Variants in CASR observed in about 807,000 individuals in gnomAD.
CASR encodes the protein calcium sensing receptor.
Under a neutral mutation model 69.1 loss-of-function variants are expected in CASR, and 23 were observed. That is an observed-to-expected ratio of 0.33 (90% CI 0.24 to 0.47). CASR has a LOEUF of 0.47. CASR is among the 20% of genes least tolerant of loss of function. The pLI is 1.00. For synonymous variants in CASR, 541 were observed against 544.7 expected (o/e 0.99, Z 0.10); for missense variants, 924 against 1,356.1 (o/e 0.68, Z 5.00).
chr3:122,256,539 T>G (rs1252368411), intron 2 of CASR, among the ~76,000 whole-genome samples: 1 of 152,240 alleles, frequency 6.6e-6, no homozygotes, highest in East Asian at 1.9e-4. Flanking sequence ...GGCACCATGC[T>G]GAAGATTTTG....
rs2107631878 is a variant in CASR, at chr3:122,261,609, C to A, written c.574C>A (p.His192Asn). Reference protein sequence around the residue: ...SFLRTIPNDEHQATAMADIIE... With the variant: ...SFLRTIPNDENQATAMADIIE... The stretch of plus-strand genomic sequence containing the variant: ...CCTCCGAACCATCCCCAATGATGAG[C>A]ACCAGGCCACTGCCATGGCAGACAT... The change falls in exon 4 of 7, where the codon CAC (histidine) becomes AAC (asparagine). Residue 192 changes from histidine (H) to asparagine (N), a missense_variant. His to Asn is a moderately conservative substitution (Grantham distance 68). Transcript: ENST00000639785. 1.9e-6 allele frequency: 3 copies of A among 1,614,124 alleles called. No homozygotes were observed. The highest frequency in any genetic ancestry group is 4.5e-5 in the East Asian group (2 of 44,882).
intron 1 of CASR, among the ~76,000 whole-genome samples, chr3:122,230,478 G>C (rs750151129): frequency 1.3e-5 from 2 of 152,190 alleles, no homozygotes; most frequent in Admixed American, 6.5e-5. Context: ...GCTGCTGACC[G>C]TGGAGAAAGC....
intron 1 of CASR, among the ~76,000 whole-genome samples, chr3:122,244,498 G>T (rs1442920348): frequency 6.6e-6 from 1 of 152,140 alleles, no homozygotes; most frequent in Non-Finnish European, 1.5e-5. Flanking sequence ...TTGCAAGTAT[G>T]TTGGACAAAA....
intron 1 of CASR, among the ~76,000 whole-genome samples, chr3:122,225,866 A>G (rs548884637): frequency 1.3e-5 from 2 of 152,372 alleles, no homozygotes; most frequent in Non-Finnish European, 2.9e-5. Flanking sequence ...AATGTGGTAC[A>G]TATATGCTAC....
intron 1 of CASR, among the ~76,000 whole-genome samples, chr3:122,202,593 T>C (rs2073968324): frequency 6.6e-6 from 1 of 152,230 alleles, no homozygotes; most frequent in Admixed American, 6.5e-5. Flanking sequence ...TGCATTTACA[T>C]TGCTGTAACT....
At chr3:122,224,325 G>C (rs2074201896) in intron 1 of CASR, among the ~76,000 whole-genome samples, 1 of 152,274 alleles carries the variant, frequency 6.6e-6, no homozygotes, top group African/African-American at 2.4e-5. Flanking sequence ...CAGAGAACTG[G>C]TAAACAACTT....
intron 1 of CASR, among the ~76,000 whole-genome samples, chr3:122,235,084 C>T (rs1312921255): frequency 6.6e-6 from 1 of 152,214 alleles, no homozygotes; most frequent in Non-Finnish European, 1.5e-5. Context: ...ACACTTCTAA[C>T]AGTCACAGGT....
At chr3:122,241,822 T>C (rs1219766378) in intron 1 of CASR, among the ~76,000 whole-genome samples, 1 of 152,140 alleles carries the variant, frequency 6.6e-6, no homozygotes, top group Non-Finnish European at 1.5e-5. Context: ...ATTAAAAATA[T>C]CATTCATCAT....
In CASR at chr3:122,257,079, A is replaced by G. The variant is rs1350886416; in HGVS notation, c.186-2A>G. The G allele has an allele frequency of 6.2e-7, 1 of 1,613,630 alleles. No individual in the cohort carries two copies. ...TTTTCTTCCACTTCTTCTTTCTTCC[A>G]GGTATAATTTCCGTGGGTTTCGCTG... On this transcript the variant is annotated splice_acceptor_variant, in intron 2 of 6. Transcript: ENST00000639785. LOFTEE classifies it high-confidence loss of function.
At position 122,254,221 on chromosome 3, in the gene CASR, T is replaced by C. The variant is rs200673016; in HGVS notation, c.32T>C (p.Leu11Ser). ...TTTTATAGCTGCTGCTGGGTCCTCT[T>C]GGCACTCACCTGGCACACCTCTGCC... MAFYSCCWVLLALTWHTSAYG... is the reference protein window; with the variant it reads MAFYSCCWVLSALTWHTSAYG... Residue 11 changes from leucine to serine, a missense_variant, in exon 2 of 7, where the codon TTG (leucine) becomes TCG (serine). By Grantham distance (145) the Leu-to-Ser change is moderately radical. Coordinates refer to ENST00000639785, the MANE Select transcript of CASR (RefSeq NM_000388.4). 8 of 1,613,596 alleles carry C rather than the reference T, an allele frequency of 5.0e-6. No individual in the cohort carries two copies. In the Admixed American group the frequency reaches 1.2e-4, roughly 24 times the overall value.
chr3:122,206,412 C>G (rs2074007407), intron 1 of CASR, among the ~76,000 whole-genome samples: 1 of 151,706 alleles, frequency 6.6e-6, no homozygotes, highest in Admixed American at 6.6e-5. Flanking sequence ...TCCTTGCATC[C>G]CTGGGATGAA....
At chr3:122,238,014 T>C (rs1490668754) in intron 1 of CASR, among the ~76,000 whole-genome samples, 4 of 152,164 alleles carry the variant, frequency 2.6e-5, no homozygotes, top group African/African-American at 9.7e-5. Context: ...AACAGAAGCC[T>C]CCACTGATGG....
chr3:122,247,394 G>GT (rs1442846582), intron 1 of CASR: 1 of 152,308 alleles, frequency 6.6e-6, no homozygotes, highest in East Asian at 1.9e-4. Context: ...ACGCCAGGAT[G>GT]TTATTCCACA....
chr3:122,206,744 A>G (rs1576822171), intron 1 of CASR, among the ~76,000 whole-genome samples: 2 of 151,916 alleles, frequency 1.3e-5, no homozygotes, highest in South Asian at 2.1e-4. Flanking sequence ...TATGGCTTCT[A>G]TTTCATTACT....
chr3:122,223,915 A>G (rs1313650232), intron 1 of CASR, among the ~76,000 whole-genome samples: 5 of 152,364 alleles, frequency 3.3e-5, no homozygotes, highest in African/African-American at 9.6e-5. Context: ...AATTTCCCAC[A>G]TAAACAGAAT....
rs530694204 is a variant in CASR, at chr3:122,267,973, T to A, written c.1377+5561T>A. Among the ~76,000 whole-genome samples the A allele has an allele frequency of 3.3e-5, 5 of 152,330 alleles. No individual in the cohort carries two copies. The South Asian group carries it at 1.0e-3, about 32-fold the overall frequency. On this transcript the variant is annotated intron_variant, in intron 4 of 6. Coordinates refer to ENST00000639785, the MANE Select transcript of CASR (RefSeq NM_000388.4). ...ACATTTTATACCAGTTAACCTGTTG[T>A]AACTAGAGATAGGCAACTTAATAGA...
chr3:122,218,753 G>A (rs1490948702), intron 1 of CASR, among the ~76,000 whole-genome samples: 4 of 152,186 alleles, frequency 2.6e-5, no homozygotes, highest in East Asian at 3.8e-4. Context: ...ACAGTTTGGA[G>A]GGGATTGGAA....
rs749234678 is a variant in CASR, at chr3:122,275,864, T to C, written c.1430T>C (p.Val477Ala). 1 of 1,614,172 alleles carries C rather than the reference T, an allele frequency of 6.2e-7. No individual in the cohort carries two copies. The highest frequency in any genetic ancestry group is 8.5e-7 in the Non-Finnish European group (1 of 1,179,994). The change falls in exon 5 of 7, where the codon GTG (valine) becomes GCG (alanine). Residue 477 changes from valine to alanine, a missense_variant. Coordinates refer to ENST00000639785, the MANE Select transcript of CASR (RefSeq NM_000388.4). ...TTTACAAACAATATGGGGGAGCAGGTGACCTTTGATGAGTGTGGTGACCTG... is the reference window on the plus strand; with the variant it reads ...TTTACAAACAATATGGGGGAGCAGGCGACCTTTGATGAGTGTGGTGACCTG... ...LNFTNNMGEQ[V>A]TFDECGDLVG...
intron 1 of CASR, among the ~76,000 whole-genome samples, chr3:122,210,675 G>A (rs549819436): frequency 6.6e-6 from 1 of 152,056 alleles, no homozygotes; most frequent in East Asian, 1.9e-4. Flanking sequence ...AAAGTAATGT[G>A]TAGATTCAAT....
Sources: gnomAD v4.1 joint callset for allele counts (sites outside exome capture counted in the v4.1 genomes callset) on GRCh38, gnomAD v4.1.1 for gene constraint, MANE v1.5 for transcripts, NCBI Gene and HGNC (gene_info 2026-07-23, HGNC 2026-07-21) for gene names.